The following ETV6 variants were observed in gnomAD, a reference collection of about 807,000 sequenced individuals.
ETV6 encodes transcription factor ETV6.
A neutral mutation model predicts 51.1 loss-of-function variants in ETV6; 16 were observed. The ratio of observed to expected loss-of-function variants is 0.31; its 90% CI spans 0.21 to 0.48. ETV6 has a LOEUF of 0.48. ETV6 is among the 20% of genes least tolerant of loss of function. The probability of loss-of-function intolerance (pLI) is 0.99; values close to 1 mark genes in which losing one functional copy is unlikely to be tolerated. For missense variants in ETV6, 458 were observed against 594.8 expected, an observed-to-expected ratio of 0.77 and a Z score of 2.39; for synonymous variants, 240 against 224.1, an observed-to-expected ratio of 1.07 and a Z score of -0.64.
At chr12:11,708,128 C>T (rs1865106912) in intron 1 of ETV6, among the ~76,000 whole-genome samples, 2 of 152,024 alleles carry the variant, frequency 1.3e-5, no homozygotes, top group South Asian at 4.2e-4. Flanking sequence ...CCTTTGTTTC[C>T]AACAGGAGAG....
intron 1 of ETV6, among the ~76,000 whole-genome samples, chr12:11,703,199 TACTC>T (rs1161896881): frequency 1.3e-5 from 2 of 152,138 alleles, no homozygotes; most frequent in African/African-American, 2.4e-5. Context: ...TGAAAGAAAA[TACTC>T]AGGAGTCATT....
intron 1 of ETV6, among the ~76,000 whole-genome samples, chr12:11,657,041 A>G (rs1864012461): frequency 6.6e-6 from 1 of 152,158 alleles, no homozygotes; most frequent in South Asian, 2.1e-4. Context: ...TCCTGGAATG[A>G]AGAGAGCATT....
At chr12:11,714,649 GAAA>G (rs10709538) in intron 1 of ETV6, among the ~76,000 whole-genome samples, 173 of 87,060 alleles carry the variant, frequency 2.0e-3, no homozygotes, top group African/African-American at 7.3e-3. Context: ...ACCTTGAGGT[GAAA>G]AAAAAAAAAA....
intron 1 of ETV6, among the ~76,000 whole-genome samples, chr12:11,693,950 A>G (rs879621279): frequency 3.3e-5 from 5 of 152,332 alleles, no homozygotes; most frequent in Middle Eastern, 3.4e-3. Flanking sequence ...TCTGTGACCA[A>G]TTCTCCCTCA....
chr12:11,772,996 C>T (rs1337114879), intron 2 of ETV6, among the ~76,000 whole-genome samples: 1 of 151,822 alleles, frequency 6.6e-6, no homozygotes, highest in Non-Finnish European at 1.5e-5. Flanking sequence ...AGATCCAGAC[C>T]ATCCTGGCTA....
intron 2 of ETV6, among the ~76,000 whole-genome samples, chr12:11,815,195 G>T (rs552977497): frequency 3.3e-5 from 5 of 152,118 alleles, no homozygotes; most frequent in Non-Finnish European, 5.9e-5. Flanking sequence ...AGCAAGATGG[G>T]CATGATTAAA....
chr12:11,781,959 A>G, intron 2 of ETV6, among the ~76,000 whole-genome samples: 1 of 152,378 alleles, frequency 6.6e-6, no homozygotes, highest in Non-Finnish European at 1.5e-5. Flanking sequence ...TTAAAACTAT[A>G]AAGTTAACTT....
chr12:11,667,772 G>C (rs1053430437), intron 1 of ETV6, among the ~76,000 whole-genome samples: 20 of 139,076 alleles, frequency 1.4e-4, no homozygotes, highest in African/African-American at 4.4e-4. Flanking sequence ...GCATGGTCTC[G>C]GCTTACTGCA....
intron 2 of ETV6, among the ~76,000 whole-genome samples, chr12:11,766,305 T>C (rs1300130149): frequency 6.6e-6 from 1 of 152,208 alleles, no homozygotes; most frequent in Non-Finnish European, 1.5e-5. Context: ...AGACAGAGCT[T>C]CCTGACTTGA....
chr12:11,666,001 G>A (rs766802282), intron 1 of ETV6, among the ~76,000 whole-genome samples: 1 of 151,996 alleles, frequency 6.6e-6, no homozygotes, highest in Non-Finnish European at 1.5e-5. Flanking sequence ...TTTTTGATGT[G>A]GCTCAGGATG....
intron 3 of ETV6, among the ~76,000 whole-genome samples, chr12:11,844,610 A>G (rs1946434052): frequency 6.6e-6 from 1 of 152,174 alleles, no homozygotes; most frequent in African/African-American, 2.4e-5. Context: ...GGCTGTGTCA[A>G]CTGGCTATTT....
At chr12:11,790,143 C>CT (rs150163345) in intron 2 of ETV6, among the ~76,000 whole-genome samples, 2 of 150,604 alleles carry the variant, frequency 1.3e-5, no homozygotes, top group Non-Finnish European at 3.0e-5. Context: ...TATTCAAGTA[C>CT]TTTTTTTGTT....
chr12:11,881,614 CCA>C (rs1947095116), intron 5 of ETV6, among the ~76,000 whole-genome samples: 2 of 152,146 alleles, frequency 1.3e-5, no homozygotes, highest in Non-Finnish European at 2.9e-5. Flanking sequence ...GGCACTAATC[CCA>C]CTCACAGGGG....
rs1947309895 is a variant in ETV6 at position 11,892,473 on chromosome 12, ACTT to A, written c.*1431_*1433del. Reference sequence around the variant, plus strand: ...TATCTTGTAAAATGAGGGTAGTGCCACTTCTTAGTATTTTTGAAAGCTGTTTTA... The same window carrying A: ...TATCTTGTAAAATGAGGGTAGTGCCACTTAGTATTTTTGAAAGCTGTTTTA... On this transcript the variant is annotated 3_prime_UTR_variant, in exon 8 of 8. Transcript: ENST00000396373. 8.7e-6 allele frequency: 2 copies of A among 230,310 alleles called. No individual in the cohort carries two copies. The highest frequency in any genetic ancestry group is 1.9e-4 in the South Asian group (1 of 5,396). The allele number at this position is 230,310 out of a possible 1,614,324, so 14.3% of individuals were successfully genotyped here. A position where few individuals can be genotyped will look rare whatever the true frequency, so the allele number is the denominator to read the frequency against.
intron 1 of ETV6, among the ~76,000 whole-genome samples, chr12:11,703,060 T>C (rs1189514972): frequency 6.6e-6 from 1 of 152,164 alleles, no homozygotes; most frequent in Non-Finnish European, 1.5e-5. Flanking sequence ...TGAGTCAAGA[T>C]CGTGCCACTG....
intron 2 of ETV6, among the ~76,000 whole-genome samples, chr12:11,833,702 A>G (rs542501632): frequency 6.6e-6 from 1 of 152,298 alleles, no homozygotes; most frequent in East Asian, 1.9e-4. Context: ...TGCTGCAGGG[A>G]TTAAATGAGT....
At chr12:11,886,115 T>C (rs1947179211) in intron 7 of ETV6, 89 bp downstream of exon 7, 1 of 904,072 alleles carries the variant, frequency 1.1e-6, no homozygotes, top group Non-Finnish European at 1.8e-6. Flanking sequence ...TTAAGATCTC[T>C]ACCTGCCTAT....
At chr12:11,812,175 G>A (rs1230970189) in intron 2 of ETV6, among the ~76,000 whole-genome samples, 2 of 152,100 alleles carry the variant, frequency 1.3e-5, no homozygotes, top group Non-Finnish European at 2.9e-5. Flanking sequence ...GCTCATTATT[G>A]TAGATATTCT....
intron 1 of ETV6, among the ~76,000 whole-genome samples, chr12:11,726,002 A>G (rs919297845): frequency 2.0e-5 from 3 of 152,226 alleles, no homozygotes; most frequent in Non-Finnish European, 4.4e-5. Flanking sequence ...TGACTAAGAC[A>G]GTTAACTTCC....
Sources: gnomAD v4.1 joint callset for allele counts (sites outside exome capture counted in the v4.1 genomes callset) on GRCh38, gnomAD v4.1.1 for gene constraint, MANE v1.5 for transcripts, NCBI Gene and HGNC (gene_info 2026-07-23, HGNC 2026-07-21) for gene names.